Variants in HMCN1 observed in about 807,000 individuals in gnomAD.
HMCN1 encodes the protein hemicentin-1.
HMCN1 carries 321 observed loss-of-function variants against 625.9 expected under a neutral mutation model. The ratio of observed to expected loss-of-function variants is 0.51; its 90% CI spans 0.47 to 0.56. HMCN1 has a LOEUF of 0.56. Ranked by LOEUF, HMCN1 falls within the 20% of genes least tolerant of loss-of-function variation. The probability of loss-of-function intolerance (pLI) is 0.00; values close to 1 mark genes in which losing one functional copy is unlikely to be tolerated. For synonymous variants in HMCN1, 2,425 were observed against 2,417.6 expected (o/e 1.00, Z -0.09); for missense variants, 6,588 against 6,887.3 (o/e 0.96, Z 1.54).
chr1:186,042,614 GA>G (rs1656282039), intron 40 of HMCN1, among the ~76,000 whole-genome samples: 1 of 152,208 alleles, frequency 6.6e-6, no homozygotes, highest in Non-Finnish European at 1.5e-5. Flanking sequence ...ATCTTTCTCT[GA>G]AATAAAGGTC....
At chr1:185,854,603 C>T (rs1662349829) in intron 2 of HMCN1, among the ~76,000 whole-genome samples, 1 of 152,158 alleles carries the variant, frequency 6.6e-6, no homozygotes, top group African/African-American at 2.4e-5. Flanking sequence ...GGTTTCCTTA[C>T]ATAAATGTTT....
At chr1:185,837,116 C>T (rs1307600564) in intron 1 of HMCN1, among the ~76,000 whole-genome samples, 1 of 150,774 alleles carries the variant, frequency 6.6e-6, no homozygotes, top group Admixed American at 6.6e-5. Context: ...TAGGTTGATT[C>T]CATGTCTTGG....
chr1:185,986,270 G>C (rs1166062482), intron 19 of HMCN1, among the ~76,000 whole-genome samples: 6 of 152,032 alleles, frequency 3.9e-5, no homozygotes, highest in Non-Finnish European at 8.8e-5. Context: ...TTGCACTGAG[G>C]TTTCTGGTGT....
At chr1:186,108,959 G>C (rs1424661545) in intron 71 of HMCN1, among the ~76,000 whole-genome samples, 1 of 152,172 alleles carries the variant, frequency 6.6e-6, no homozygotes, top group Non-Finnish European at 1.5e-5. Flanking sequence ...CACGTCTCTA[G>C]GGAGAATGCT....
intron 1 of HMCN1, among the ~76,000 whole-genome samples, chr1:185,787,908 T>A (rs1213717696): frequency 6.6e-6 from 1 of 152,210 alleles, no homozygotes. Flanking sequence ...AGGTGATAGC[T>A]ATAATTGAGG....
At chr1:185,757,612 A>G (rs1317678493) in intron 1 of HMCN1, among the ~76,000 whole-genome samples, 8 of 152,194 alleles carry the variant, frequency 5.3e-5, no homozygotes, top group African/African-American at 1.9e-4. Flanking sequence ...ATTATTACTC[A>G]AAGACCAATT....
chr1:185,766,697 T>TTG (rs1019061976), intron 1 of HMCN1, among the ~76,000 whole-genome samples: 135 of 151,952 alleles, frequency 8.9e-4, no homozygotes, highest in African/African-American at 3.2e-3. Flanking sequence ...GGTGGTGCTT[T>TTG]TGTGTGTGTG....
Position 186,053,053 on chromosome 1 carries a change from A to G in HMCN1, c.6679A>G (p.Asn2227Asp), listed in dbSNP as rs775339851. Residue 2227 changes from asparagine to aspartate, a missense_variant, in exon 43 of 107, where the codon AAT (asparagine) becomes GAT (aspartate). By Grantham distance (23) the Asn-to-Asp change is conservative (BLOSUM62 1). Around this residue, in one of 3 missense-constraint regions of HMCN1, gnomAD observed 4,628 missense variants for 4,853.1 expected, o/e 0.95. Transcript: ENST00000271588. Reference protein sequence around the residue: ...LCESSGIPPPNLIWKKKGSPV... With the variant: ...LCESSGIPPPDLIWKKKGSPV... Reference sequence around the variant, plus strand: ...TGAATCAAGTGGTATTCCACCCCCAAATCTCATCTGGAAGAAGAAAGGTCA... The same window carrying G: ...TGAATCAAGTGGTATTCCACCCCCAGATCTCATCTGGAAGAAGAAAGGTCA... 5.0e-6 allele frequency: 8 copies of G among 1,609,988 alleles called. No homozygotes were observed. The highest frequency in any genetic ancestry group is 1.1e-5 in the South Asian group (1 of 90,794).
chr1:185,761,909 A>G (rs1469823465), intron 1 of HMCN1, among the ~76,000 whole-genome samples: 5 of 152,218 alleles, frequency 3.3e-5, no homozygotes, highest in Admixed American at 3.3e-4. Flanking sequence ...TGAGAGAAAT[A>G]ATAATGCTAA....
chr1:185,928,803 G>T (rs879008944), intron 10 of HMCN1, 136 bp downstream of exon 10: 9 of 937,566 alleles, frequency 9.6e-6, no homozygotes, highest in East Asian at 2.8e-5. Context: ...ACTGAATTGA[G>T]AACTCAAATC....
At chr1:185,787,301 G>A (rs189420390) in intron 1 of HMCN1, among the ~76,000 whole-genome samples, 8 of 152,314 alleles carry the variant, frequency 5.3e-5, no homozygotes, top group African/African-American at 1.4e-4. Flanking sequence ...GATGGTGGCA[G>A]AGAATGCCCT....
chr1:186,002,754 A>G (rs553690043), intron 28 of HMCN1, among the ~76,000 whole-genome samples: 1 of 152,184 alleles, frequency 6.6e-6, no homozygotes, highest in South Asian at 2.1e-4. Flanking sequence ...TTTTATATCA[A>G]ACAAAAAGGT....
chr1:186,114,608 T>G lies in HMCN1; in HGVS notation c.11277-211T>G, dbSNP rs536541031. On this transcript the variant is annotated intron_variant, in intron 73 of 106. Transcript: ENST00000271588. ...ATCCCTAAGGCTTATGTCTACATAA[T>G]GATTATAATCCATTAAAGATCACAA... 7.2e-5 allele frequency among the ~76,000 whole-genome samples: 11 copies of G among 152,280 alleles called. No homozygotes were observed. The East Asian group carries it at 2.1e-3, about 29-fold the overall frequency.
chr1:185,941,610 G>T (rs532402122), intron 11 of HMCN1, among the ~76,000 whole-genome samples: 7 of 152,192 alleles, frequency 4.6e-5, no homozygotes, highest in South Asian at 4.1e-4. Flanking sequence ...GGAAAAATTT[G>T]GTATTCACGT....
In HMCN1 at chr1:186,108,467, C is replaced by T. The variant is rs1660725265; in HGVS notation, c.10859C>T (p.Pro3620Leu). The T allele has an allele frequency of 1.2e-6, 2 of 1,614,054 alleles. No individual in the cohort carries two copies. The highest frequency in any genetic ancestry group is 1.7e-6 in the Non-Finnish European group (2 of 1,179,984). ...TATTTGTTCTCACACCCAGTACCTC[C>T]TAATATTGCTGGAACTGATGAGCCC... Reference protein sequence around the residue: ...KEYLVRVHVPPNIAGTDEPRD... With the variant: ...KEYLVRVHVPLNIAGTDEPRD... Residue 3620 changes from proline (P) to leucine (L), a missense_variant, in exon 71 of 107, where the codon CCT (proline) becomes CTT (leucine). This residue lies in a region of HMCN1 where 4,628 missense variants were observed against 4,853.1 expected (regional missense o/e 0.95). Transcript: ENST00000271588.
At position 186,190,070 on chromosome 1, in the gene HMCN1, T is replaced by C; in HGVS notation, c.*192T>C. 1 of 663,254 alleles carries C rather than the reference T, an allele frequency of 1.5e-6. No individual in the cohort carries two copies. The highest frequency in any genetic ancestry group is 2.6e-6 in the Non-Finnish European group (1 of 379,886). The allele number at this position is 663,254 out of a possible 1,614,324, so 41.1% of individuals were successfully genotyped here. On this transcript the variant is annotated 3_prime_UTR_variant, in exon 107 of 107. Transcript: ENST00000271588. The stretch of plus-strand genomic sequence containing the variant: ...CCCACCATGGTCATATCTTGAAGTA[T>C]GGTCTAGAAAAGTCCCTTATTATTT...
At chr1:185,965,101 G>A (rs531403562) in intron 13 of HMCN1, among the ~76,000 whole-genome samples, 1 of 152,216 alleles carries the variant, frequency 6.6e-6, no homozygotes, top group Non-Finnish European at 1.5e-5. Context: ...GCTGAAGCTA[G>A]GAAGTCCTAA....
Position 185,734,487 on chromosome 1 carries a change from C to T in HMCN1, c.-293C>T. On this transcript the variant is annotated 5_prime_UTR_variant, in exon 1 of 107. Transcript: ENST00000271588. ...CAGAGCTGCCCCCGGGGCATGGACCCGACGCGCCGCCCGCACTCCGCCACA... is the reference window on the plus strand; with the variant it reads ...CAGAGCTGCCCCCGGGGCATGGACCTGACGCGCCGCCCGCACTCCGCCACA... 2.6e-6 allele frequency: 1 copy of T among 381,986 alleles called. No homozygotes were observed. The highest frequency in any genetic ancestry group is 4.8e-6 in the Non-Finnish European group (1 of 210,310). The allele number at this position is 381,986 out of a possible 1,614,324, so 23.7% of individuals were successfully genotyped here. A position where few individuals can be genotyped will look rare whatever the true frequency, so the allele number is the denominator to read the frequency against.
rs138353595 is a variant in HMCN1, at chr1:185,830,064, C to T, written c.269-15962C>T. ...TGTCTTCTTTGGAGAAGTGTCTATT[C>T]ATATCCTTTGCCCACTTTTTGATAG... On this transcript the variant is annotated intron_variant, in intron 1 of 106. Coordinates refer to ENST00000271588, the MANE Select transcript of HMCN1 (RefSeq NM_031935.3). 5.9e-5 allele frequency among the ~76,000 whole-genome samples: 9 copies of T among 152,268 alleles called. No homozygotes were observed. The South Asian group carries it at 6.2e-4, about 11-fold the overall frequency.
Sources: gnomAD v4.1 joint callset for allele counts (sites outside exome capture counted in the v4.1 genomes callset) on GRCh38, gnomAD v4.1.1 for gene constraint, gnomAD v4.1.1 regional missense constraint, MANE v1.5 for transcripts, NCBI Gene and HGNC (gene_info 2026-07-23, HGNC 2026-07-21) for gene names.